Variants in FAM13B observed in about 807,000 individuals in gnomAD.
FAM13B encodes the protein protein FAM13B.
FAM13B carries 60 observed loss-of-function variants against 117.3 expected under a neutral mutation model. The observed-to-expected ratio is 0.51, with a 90% CI of 0.42 to 0.63. The LOEUF is 0.63. Ranked by LOEUF, FAM13B falls within the 30% of genes least tolerant of loss-of-function variation. The pLI, the probability that FAM13B is intolerant of heterozygous loss-of-function variation, is 0.00. For synonymous variants in FAM13B, 332 were observed against 356.1 expected, an observed-to-expected ratio of 0.93 and a Z score of 0.76; for missense variants, 972 against 1,091.9, an observed-to-expected ratio of 0.89 and a Z score of 1.55.
At chr5:137,967,477 C>T (rs950446696) in intron 10 of FAM13B, among the ~76,000 whole-genome samples, 1 of 151,840 alleles carries the variant, frequency 6.6e-6, no homozygotes, top group Admixed American at 6.6e-5. Flanking sequence ...GGGCTGAGAT[C>T]GCACCACTGC....
rs977669277 is a variant in FAM13B, at chr5:137,943,572, C to T, written c.2341-356G>A. ...CATCCTGGCTAACACGGTGAAAGCC[C>T]GCCTCTACTAAAAATACAAAAAATT... On this transcript the variant is annotated intron_variant, in intron 20 of 23. Coordinates refer to ENST00000689681, the MANE Select transcript of FAM13B (RefSeq NM_001385994.1). Among the ~76,000 whole-genome samples, 6 of 152,140 alleles carry T rather than the reference C, an allele frequency of 3.9e-5. No individual in the cohort carries two copies. The East Asian group carries it at 9.7e-4, about 25-fold the overall frequency.
chr5:137,962,673 C>G (rs977598502), intron 10 of FAM13B, among the ~76,000 whole-genome samples: 4 of 152,076 alleles, frequency 2.6e-5, no homozygotes, highest in Non-Finnish European at 5.9e-5. Flanking sequence ...TGAAGTATAG[C>G]AGGTACTCTG....
intron 14 of FAM13B, among the ~76,000 whole-genome samples, chr5:137,955,749 A>G (rs1251547777): frequency 1.3e-5 from 2 of 152,132 alleles, no homozygotes; most frequent in Non-Finnish European, 2.9e-5. Flanking sequence ...CTCCTGCCTC[A>G]GCCTCCCAAG....
intron 7 of FAM13B, among the ~76,000 whole-genome samples, chr5:137,992,166 C>G (rs1241597070): frequency 6.6e-6 from 1 of 152,064 alleles, no homozygotes; most frequent in Non-Finnish European, 1.5e-5. Context: ...CCCGCCTCAG[C>G]TTCCCCAAGT....
intron 10 of FAM13B, among the ~76,000 whole-genome samples, chr5:137,981,183 T>C (rs1397225933): frequency 6.9e-6 from 1 of 145,080 alleles, no homozygotes; most frequent in Non-Finnish European, 1.5e-5. Context: ...AATGACGCTC[T>C]CACCATGACC....
chr5:138,031,184 A>G (rs1328023940), intron 1 of FAM13B, among the ~76,000 whole-genome samples: 1 of 152,208 alleles, frequency 6.6e-6, no homozygotes, highest in Non-Finnish European at 1.5e-5. Flanking sequence ...CTGACAAGTC[A>G]ACAGATTCAT....
At chr5:138,027,777 G>C (rs940225221) in intron 1 of FAM13B, among the ~76,000 whole-genome samples, 4 of 152,230 alleles carry the variant, frequency 2.6e-5, no homozygotes, top group Non-Finnish European at 5.9e-5. Context: ...GTGGAGAGAA[G>C]GAGGTGATTG....
chr5:138,028,182 T>C (rs1788934229), intron 1 of FAM13B, among the ~76,000 whole-genome samples: 1 of 152,176 alleles, frequency 6.6e-6, no homozygotes, highest in Non-Finnish European at 1.5e-5. Flanking sequence ...AGGGCTCTAT[T>C]GCTTAAAAGA....
In FAM13B at chr5:137,987,217, A is replaced by G. The variant is rs528607353; in HGVS notation, c.1046+244T>C. On this transcript the variant is annotated intron_variant, in intron 9 of 23. Transcript: ENST00000689681. Reference sequence around the variant, plus strand: ...TGTTACTTCATTCGATGTTCAGGGGAAAAAAAACAACAAAAAACAAACAAA... The same window carrying G: ...TGTTACTTCATTCGATGTTCAGGGGGAAAAAAACAACAAAAAACAAACAAA... Among the ~76,000 whole-genome samples, 8 of 152,040 alleles carry G rather than the reference A, an allele frequency of 5.3e-5. No homozygotes were observed. In the East Asian group the frequency reaches 5.8e-4, roughly 11 times the overall value.
rs72801653 is a variant in FAM13B at position 138,001,131 on chromosome 5, G to A, written c.848+5859C>T. The stretch of plus-strand genomic sequence containing the variant: ...CTAATGTTTGTGACCAAAAGTTTGA[G>A]AAATGCTAACTTAAATCATCCCCCA... On this transcript the variant is annotated intron_variant, in intron 7 of 23. Coordinates refer to ENST00000689681, the MANE Select transcript of FAM13B (RefSeq NM_001385994.1). Among the ~76,000 whole-genome samples, 874 of 152,226 alleles carry A rather than the reference G, an allele frequency of 5.7e-3. 5 individuals are homozygous for A. Among genetic ancestry groups the A allele is most frequent in the Non-Finnish European group, 9.5e-3 (649 of 68,022 alleles).
intron 1 of FAM13B, among the ~76,000 whole-genome samples, chr5:138,045,727 A>G (rs1791622433): frequency 6.6e-6 from 1 of 151,810 alleles, no homozygotes; most frequent in African/African-American, 2.4e-5. Context: ...GGCCAGACAC[A>G]GTGGCTCACA....
At chr5:137,942,070 G>A (rs1762003477) in intron 22 of FAM13B, 25 bp from the exon 23 acceptor site, 2 of 1,553,022 alleles carry the variant, frequency 1.3e-6, no homozygotes, top group Non-Finnish European at 1.8e-6. Flanking sequence ...GTAAAATACT[G>A]AAGGGCACAC....
chr5:137,961,454 C>G (rs1332137236), intron 11 of FAM13B, among the ~76,000 whole-genome samples: 1 of 152,118 alleles, frequency 6.6e-6, no homozygotes, highest in Non-Finnish European at 1.5e-5. Context: ...GCCCATAGCT[C>G]CAATACTTCC....
At chr5:137,966,488 T>TATATATATATATATATAGAGAGAGAG (rs1461425784) in intron 10 of FAM13B, among the ~76,000 whole-genome samples, 2 of 29,484 alleles carry the variant, frequency 6.8e-5, no homozygotes, top group African/African-American at 1.3e-4. Context: ...TATATATATA[T>TATATATATATATATATAGAGAGAGAG]AGAGAGAGAG....
At chr5:137,978,985 C>T (rs1774844925) in intron 10 of FAM13B, among the ~76,000 whole-genome samples, 1 of 151,262 alleles carries the variant, frequency 6.6e-6, no homozygotes, top group African/African-American at 2.4e-5. Flanking sequence ...TCTATTTTTC[C>T]TTCCTTCCCT....
At chr5:138,032,183 C>T (rs1479595970) in intron 1 of FAM13B, among the ~76,000 whole-genome samples, 1 of 152,194 alleles carries the variant, frequency 6.6e-6, no homozygotes, top group Non-Finnish European at 1.5e-5. Flanking sequence ...GCGTGCCACG[C>T]GAACCCTAAT....
intron 1 of FAM13B, among the ~76,000 whole-genome samples, chr5:138,031,383 A>G (rs933624963): frequency 2.6e-5 from 4 of 152,306 alleles, no homozygotes; most frequent in African/African-American, 9.6e-5. Flanking sequence ...TAAAAGCAGC[A>G]CGGATTAAAA....
chr5:138,011,435 A>G (rs1437834530), intron 5 of FAM13B, among the ~76,000 whole-genome samples: 1 of 147,310 alleles, frequency 6.8e-6, no homozygotes, highest in African/African-American at 2.5e-5. Flanking sequence ...TTTTTTTTTT[A>G]TGAGATGGAG....
intron 7 of FAM13B, among the ~76,000 whole-genome samples, chr5:138,002,784 G>A (rs949581232): frequency 6.8e-6 from 1 of 146,906 alleles, no homozygotes; most frequent in African/African-American, 2.5e-5. Context: ...TCCTGCCTCA[G>A]CCTCCCGAGT....
Sources: allele counts gnomAD v4.1 joint callset (sites outside exome capture counted in the v4.1 genomes callset), GRCh38; gene constraint gnomAD v4.1.1; transcripts MANE v1.5; gene names NCBI Gene and HGNC (gene_info 2026-07-23, HGNC 2026-07-21).